NAP1L4: variants seen among roughly 807,000 people sequenced by gnomAD.
The protein encoded by NAP1L4 is nucleosome assembly protein 1 like 4.
Under a neutral mutation model 58.2 loss-of-function variants are expected in NAP1L4, and 15 were observed. That is an observed-to-expected ratio of 0.26 (90% CI 0.17 to 0.40). NAP1L4 has a LOEUF of 0.40. Among genes scored for constraint, NAP1L4 ranks in the 10% least tolerant of loss-of-function variants. The pLI is 1.00. For synonymous variants in NAP1L4, 171 were observed against 155.6 expected (o/e 1.10, Z -0.74); for missense variants, 384 against 451.1 (o/e 0.85, Z 1.35).
chr11:2,975,152 T>TAAAA (rs376072968), intron 4 of NAP1L4, among the ~76,000 whole-genome samples: 6 of 142,512 alleles, frequency 4.2e-5, no homozygotes, highest in Non-Finnish European at 4.6e-5. Context: ...CTCATCCCTT[T>TAAAA]AAAAAAAAAA....
chr11:2,973,194 C>T (rs1039744142), intron 4 of NAP1L4, among the ~76,000 whole-genome samples: 4 of 152,258 alleles, frequency 2.6e-5, no homozygotes, highest in South Asian at 4.1e-4. Flanking sequence ...GGCAACACAA[C>T]TTTGTCCTGG....
intron 7 of NAP1L4, among the ~76,000 whole-genome samples, chr11:2,967,715 C>G (rs915496771): frequency 1.3e-5 from 2 of 151,996 alleles, no homozygotes; most frequent in Non-Finnish European, 2.9e-5. Flanking sequence ...TTTCCTCATT[C>G]TCTGCATATT....
chr11:2,966,098 T>A (rs1392007274), intron 7 of NAP1L4, among the ~76,000 whole-genome samples: 1 of 152,218 alleles, frequency 6.6e-6, no homozygotes, highest in Non-Finnish European at 1.5e-5. Flanking sequence ...TGGCAGTCAC[T>A]TCTTTACCCC....
intron 1 of NAP1L4, among the ~76,000 whole-genome samples, chr11:2,988,688 T>G (rs1364850422): frequency 6.6e-6 from 1 of 152,210 alleles, no homozygotes; most frequent in South Asian, 2.1e-4. Flanking sequence ...AACAGGCTTT[T>G]CCAGATAATG....
At chr11:2,975,909 T>C (rs978768532) in intron 4 of NAP1L4, 115 bp downstream of exon 4, 5 of 905,094 alleles carry the variant, frequency 5.5e-6, no homozygotes, top group South Asian at 1.7e-5. Context: ...TCATAGACAA[T>C]GTCTTGGAAC....
Position 2,951,932 on chromosome 11 carries a change from G to A in NAP1L4, c.1036-123C>T. On this transcript the variant is annotated intron_variant, in intron 12 of 15. Transcript: ENST00000380542. This position sits in a 1 kb window ranked among gnomAD's most constrained non-coding sequence, Gnocchi z 4.0. ...GAGGAGCAGAAAGTCCAGCCACGCTGCCTGCTGGGCCTCGCTTGCCTGAGG... is the reference window on the plus strand; with the variant it reads ...GAGGAGCAGAAAGTCCAGCCACGCTACCTGCTGGGCCTCGCTTGCCTGAGG... The A allele has an allele frequency of 1.1e-6, 1 of 874,902 alleles. No homozygotes were observed. Among genetic ancestry groups the A allele is most frequent in the Non-Finnish European group, 1.9e-6 (1 of 525,594 alleles). The allele number at this position is 874,902 out of a possible 1,614,324, so 54.2% of individuals were successfully genotyped here.
At chr11:2,978,039 C>T (rs1170168899) in intron 3 of NAP1L4, among the ~76,000 whole-genome samples, 2 of 152,126 alleles carry the variant, frequency 1.3e-5, no homozygotes, top group Non-Finnish European at 2.9e-5. Context: ...TTAATCAATA[C>T]TAAAGCTCAC....
chr11:2,963,694 G>C, intron 8 of NAP1L4: 4 of 510,854 alleles, frequency 7.8e-6, no homozygotes, highest in South Asian at 5.7e-5. Flanking sequence ...GAGGAAGGAA[G>C]ATACTGGTGA....
At chr11:2,970,132 A>G (rs950876334) in intron 6 of NAP1L4, among the ~76,000 whole-genome samples, 198 bp from the exon 7 acceptor site, 2 of 152,180 alleles carry the variant, frequency 1.3e-5, no homozygotes, top group African/African-American at 4.8e-5. Flanking sequence ...AAGTCATTAC[A>G]TCCACACGGA....
rs892645879 is a variant in NAP1L4, at chr11:2,945,029, C to T, written c.*650G>A. The T allele has an allele frequency of 6.6e-6, 1 of 151,082 alleles. No individual in the cohort carries two copies. The highest frequency in any genetic ancestry group is 2.4e-5 in the African/African-American group (1 of 40,924). 9.4% of individuals were successfully genotyped at this position (151,082 alleles called of 1,614,324 possible). On this transcript the variant is annotated 3_prime_UTR_variant, in exon 16 of 16. Transcript: ENST00000380542. ...AGCTCTCACCTGGGCTGGTGTGTCA[C>T]AACCCTGACCCACCCCTAAAAAAAA...
In NAP1L4 at chr11:2,959,899, A is replaced by T; in HGVS notation, c.617T>A (p.Leu206Ter). 1 of 1,614,050 alleles carries T rather than the reference A, an allele frequency of 6.2e-7. No individual in the cohort carries two copies. Among genetic ancestry groups the T allele is most frequent in the Non-Finnish European group, 8.5e-7 (1 of 1,179,974 alleles). ...GTCGTTGGGTTCAAAGTGGAACTCT[A>T]ACACAAAAGACTAAAAGTAGAAATT... is the stretch of plus-strand genomic sequence containing the variant. Reference protein sequence around the residue: ...SDPGQPMSFVLEFHFEPNDYF... With the variant: ...SDPGQPMSFV The change falls in exon 9 of 16, where the codon TTA becomes TAA. Residue 206 changes from leucine to a stop codon, truncating the protein, a stop_gained. Transcript: ENST00000380542. LOFTEE classifies it high-confidence loss of function. The surrounding 1 kb of genome is among the most constrained non-coding windows in gnomAD (Gnocchi z 4.9).
intron 9 of NAP1L4, 168 bp from the exon 10 acceptor site, chr11:2,958,712 A>G (rs1266736718): frequency 1.6e-6 from 1 of 643,788 alleles, no homozygotes; most frequent in East Asian, 2.8e-5. Flanking sequence ...GTTGGCAAAA[A>G]GAGAAACAGC....
At chr11:2,953,594 C>G (rs1846356535) in intron 12 of NAP1L4, among the ~76,000 whole-genome samples, 1 of 152,216 alleles carries the variant, frequency 6.6e-6, no homozygotes, top group South Asian at 2.1e-4. Context: ...CAATCACCTC[C>G]CAACCTAGGG....
Position 2,945,523 on chromosome 11 carries a change from G to A in NAP1L4, c.*156C>T, listed in dbSNP as rs2133884007. On this transcript the variant is annotated 3_prime_UTR_variant, in exon 16 of 16. Transcript: ENST00000380542. Reference sequence around the variant, plus strand: ...GTTAGATGGAGTAAGCTCTGTCCACGGGATTGTGCTGCGGCAAGGACCGAG... The same window carrying A: ...GTTAGATGGAGTAAGCTCTGTCCACAGGATTGTGCTGCGGCAAGGACCGAG... The A allele has an allele frequency of 1.7e-6, 2 of 1,181,392 alleles. No homozygotes were observed. The highest frequency in any genetic ancestry group is 1.4e-5 in the South Asian group (1 of 72,726). The allele number at this position is 1,181,392 out of a possible 1,614,324, so 73.2% of individuals were successfully genotyped here.
Position 2,955,979 on chromosome 11 carries a change from C to G in NAP1L4, c.893-213G>C, listed in dbSNP as rs949663688. Among the ~76,000 whole-genome samples the G allele has an allele frequency of 6.6e-6, 1 of 151,384 alleles. No individual in the cohort carries two copies. Among genetic ancestry groups the G allele is most frequent in the Non-Finnish European group, 1.5e-5 (1 of 67,710 alleles). On this transcript the variant is annotated intron_variant, in intron 10 of 15. Transcript: ENST00000380542. This position sits in a 1 kb window ranked among gnomAD's most constrained non-coding sequence, Gnocchi z 4.2. ...GCTGGCCTGAGTGCCTCTATGCCCC[C>G]CTCCCTTCTCCTCCTCCATCATGTG...
Position 2,959,733 on chromosome 11 carries a change from T to C in NAP1L4, c.746+37A>G. The stretch of plus-strand genomic sequence containing the variant: ...AAGTTACAAAATTATCTTTTGATTT[T>C]GTTTCAGAAAAACAAGGTAGAATGA... On this transcript the variant is annotated intron_variant, in intron 9 of 15. Transcript: ENST00000380542. This position sits in a 1 kb window ranked among gnomAD's most constrained non-coding sequence, Gnocchi z 4.9. The C allele has an allele frequency of 6.2e-7, 1 of 1,606,918 alleles. No individual in the cohort carries two copies. The highest frequency in any genetic ancestry group is 8.5e-7 in the Non-Finnish European group (1 of 1,176,844).
At chr11:2,979,410 A>G (rs116338989) in intron 1 of NAP1L4, among the ~76,000 whole-genome samples, 173 bp from the exon 2 acceptor site, 441 of 152,302 alleles carry the variant, frequency 2.9e-3, no homozygotes, top group African/African-American at 0.01. Context: ...GAGTATATAC[A>G]CTTGTTAAAG....
chr11:2,988,634 C>T (rs1283482448), intron 1 of NAP1L4, among the ~76,000 whole-genome samples: 1 of 152,228 alleles, frequency 6.6e-6, no homozygotes, highest in East Asian at 1.9e-4. Flanking sequence ...CACAGTCATT[C>T]TTTCTACCAC....
chr11:2,945,772 TA>T, intron 15 of NAP1L4, 126 bp from the exon 16 acceptor site: 1 of 700,412 alleles, frequency 1.4e-6, no homozygotes, highest in Non-Finnish European at 2.2e-6. Context: ...TTACTGCAAA[TA>T]TACTTTTAAA....
Sources: gnomAD v4.1 joint callset for allele counts (sites outside exome capture counted in the v4.1 genomes callset) on GRCh38, gnomAD v4.1.1 for gene constraint, Gnocchi (gnomAD v3.1) non-coding constraint, MANE v1.5 for transcripts, NCBI Gene and HGNC (gene_info 2026-07-23, HGNC 2026-07-21) for gene names.